The following FANCI variants were observed in gnomAD, a reference collection of about 807,000 sequenced individuals.
FANCI encodes the protein Fanconi anemia group I protein.
Under a neutral mutation model 176.1 loss-of-function variants are expected in FANCI, and 156 were observed. The ratio of observed to expected loss-of-function variants is 0.89; its 90% confidence interval spans 0.78 to 1.01. The LOEUF (loss-of-function observed/expected upper bound fraction) is 1.01. Among genes scored for constraint, FANCI ranks in the 50% least tolerant of loss-of-function variants. The pLI is 0.00. For synonymous variants in FANCI, 613 were observed against 541.7 expected, an observed-to-expected ratio of 1.13 and a Z score of -1.83; for missense variants, 1,678 against 1,534.1, an observed-to-expected ratio of 1.09 and a Z score of -1.57.
intron 2 of FANCI, among the ~76,000 whole-genome samples, chr15:89,252,271 A>G (rs1043939545): frequency 4.0e-5 from 6 of 151,246 alleles, no homozygotes; most frequent in Non-Finnish European, 5.9e-5. Flanking sequence ...TTGCACTTCA[A>G]CCTGGGTAAA....
chr15:89,282,750 T>C (rs148554311), intron 16 of FANCI: 1 of 293,520 alleles, frequency 3.4e-6, no homozygotes, highest in African/African-American at 2.2e-5. Flanking sequence ...GCATCAAATA[T>C]TACATTATCC....
intron 28 of FANCI, among the ~76,000 whole-genome samples, chr15:89,304,258 A>C (rs1329971109): frequency 6.6e-6 from 1 of 152,268 alleles, no homozygotes; most frequent in African/African-American, 2.4e-5. Flanking sequence ...AACAAACCTA[A>C]GTGTTCATCA....
chr15:89,263,410 T>A lies in FANCI; in HGVS notation c.504-9T>A, dbSNP rs202201993. 1.2e-6 allele frequency: 2 copies of A among 1,611,166 alleles called. No homozygotes were observed. The highest frequency in any genetic ancestry group is 1.7e-6 in the Non-Finnish European group (2 of 1,177,484). ...TAAAGAAATAAACTTTGTCATTTTC[T>A]TCTACCAGGTGGGATCAGCAATATG... is the stretch of plus-strand genomic sequence containing the variant. On this transcript the variant is annotated splice_polypyrimidine_tract_variant and intron_variant, in intron 6 of 37. Transcript: ENST00000310775.
At chr15:89,300,991 G>T (rs1416009967) in intron 26 of FANCI, among the ~76,000 whole-genome samples, 9 of 152,194 alleles carry the variant, frequency 5.9e-5, no homozygotes. Context: ...AGCATTGCTG[G>T]GTTTGGTGCC....
chr15:89,300,676 T>C (rs1475830418), intron 26 of FANCI, among the ~76,000 whole-genome samples: 2 of 152,246 alleles, frequency 1.3e-5, no homozygotes, highest in Non-Finnish European at 2.9e-5. Context: ...TCTGTGTTTT[T>C]GTTTTCTGAG....
intron 10 of FANCI, 45 bp from the exon 11 acceptor site, chr15:89,273,332 A>G (rs769529791): frequency 2.0e-6 from 2 of 981,268 alleles, no homozygotes; most frequent in East Asian, 2.4e-5. Flanking sequence ...AAAAAGAAAA[A>G]AGAAAATGTA....
chr15:89,276,960 C>G (rs1056915149), intron 13 of FANCI, 69 bp downstream of exon 13: 1 of 1,543,390 alleles, frequency 6.5e-7, no homozygotes, highest in Non-Finnish European at 9.0e-7. Flanking sequence ...TGGCATTTGC[C>G]TGGGAGTTTG....
intron 16 of FANCI, chr15:89,282,731 G>A: frequency 3.6e-6 from 1 of 278,316 alleles, no homozygotes; most frequent in South Asian, 4.0e-5. Flanking sequence ...TGGATGGACA[G>A]TTTACATGGC....
intron 36 of FANCI, 140 bp downstream of exon 36, chr15:89,314,847 CCCTT>C: frequency 5.0e-5 from 27 of 535,666 alleles, no homozygotes; most frequent in Middle Eastern, 4.9e-4. Flanking sequence ...CCCCCCCCCC[CCCTT>C]TTTTTTTTTG....
Position 89,247,718 on chromosome 15 carries a change from TGA to T in FANCI, c.76_77del (p.Glu26ArgfsTer2). The T allele has an allele frequency of 1.9e-6, 3 of 1,613,784 alleles. No individual in the cohort carries two copies. Among genetic ancestry groups the T allele is most frequent in the Non-Finnish European group, 2.5e-6 (3 of 1,179,768 alleles). Reference sequence around the variant, plus strand: ...AAACTGCAAGAATTTCTTCAAACCCTGAGAGAAGGTGATGTGAGTATTAGGAA... The same window carrying T: ...AAACTGCAAGAATTTCTTCAAACCCTGAGAAGGTGATGTGAGTATTAGGAA... On this transcript the variant is annotated frameshift_variant, in exon 2 of 38. Transcript: ENST00000310775. LOFTEE classifies it high-confidence loss of function.
At chr15:89,278,609 A>C in intron 13 of FANCI, 78 bp from the exon 14 acceptor site, 1 of 1,039,670 alleles carries the variant, frequency 9.6e-7, no homozygotes, top group Non-Finnish European at 1.5e-6. Flanking sequence ...ACGGTTCTTC[A>C]TGCTGCCTGA....
chr15:89,293,734 T>G, intron 22 of FANCI, 99 bp from the exon 23 acceptor site: 5 of 1,140,072 alleles, frequency 4.4e-6, no homozygotes, highest in Non-Finnish European at 5.2e-6. Context: ...ACGTCTAAAA[T>G]ATGACATTTA....
At chr15:89,246,268 G>C (rs915170603) in intron 1 of FANCI, among the ~76,000 whole-genome samples, 10 of 152,098 alleles carry the variant, frequency 6.6e-5, no homozygotes, top group Admixed American at 3.3e-4. Context: ...CCCTAGTACA[G>C]GTCTTTATCA....
intron 6 of FANCI, 142 bp from the exon 7 acceptor site, chr15:89,263,277 T>C (rs1052970646): frequency 1.4e-6 from 1 of 691,614 alleles, no homozygotes; most frequent in Non-Finnish European, 2.5e-6. Flanking sequence ...TTTCATTGTT[T>C]TAAATGGTAT....
At chr15:89,278,038 A>G (rs2053473632) in intron 13 of FANCI, among the ~76,000 whole-genome samples, 1 of 152,154 alleles carries the variant, frequency 6.6e-6, no homozygotes, top group South Asian at 2.1e-4. Flanking sequence ...ATCTTAGAGT[A>G]TGTTTTTATA....
In FANCI at chr15:89,276,761, T is replaced by C. The variant is rs1174812931; in HGVS notation, c.1163T>C (p.Ile388Thr). ...VTQGLVELGF[I>T]LMDSYGPKKV... ...CAGGGCCTCGTAGAACTTGGTTTCATTTTGATGGATTCATATGGGCCAAAG... is the reference window on the plus strand; with the variant it reads ...CAGGGCCTCGTAGAACTTGGTTTCACTTTGATGGATTCATATGGGCCAAAG... The change falls in exon 13 of 38, where the codon ATT (isoleucine) becomes ACT (threonine). Residue 388 changes from isoleucine to threonine, a missense_variant. This residue lies in a region of FANCI where 5 missense variants were observed against 19.8 expected (regional missense o/e 0.25). Coordinates refer to ENST00000310775, the MANE Select transcript of FANCI (RefSeq NM_001113378.2). 13 of 1,614,216 alleles carry C rather than the reference T, an allele frequency of 8.1e-6. No individual in the cohort carries two copies. Among genetic ancestry groups the C allele is most frequent in the East Asian group, 4.5e-5 (2 of 44,874 alleles).
chr15:89,281,122 G>C (rs2053599317), intron 14 of FANCI, 48 bp from the exon 15 acceptor site: 4 of 1,597,838 alleles, frequency 2.5e-6, no homozygotes, highest in African/African-American at 2.7e-5. Context: ...TTTTATTTCA[G>C]TTATCTTTAG....
At chr15:89,293,456 C>G (rs1457703419) in intron 22 of FANCI, among the ~76,000 whole-genome samples, 1 of 152,166 alleles carries the variant, frequency 6.6e-6, no homozygotes, top group Non-Finnish European at 1.5e-5. Flanking sequence ...GGAGGCCAAG[C>G]TGGGTGTATC....
At chr15:89,272,734 A>G (rs941771873) in intron 10 of FANCI, among the ~76,000 whole-genome samples, 1 of 152,008 alleles carries the variant, frequency 6.6e-6, no homozygotes, top group African/African-American at 2.4e-5. Context: ...CAGTGGCGCA[A>G]TCTGAGCTCA....
Sources: allele counts gnomAD v4.1 joint callset (sites outside exome capture counted in the v4.1 genomes callset), GRCh38; gene constraint gnomAD v4.1.1; regional missense constraint gnomAD v4.1.1; transcripts MANE v1.5; gene names NCBI Gene and HGNC (gene_info 2026-07-23, HGNC 2026-07-21).